CSGALNACT1: variants seen among roughly 807,000 people sequenced by gnomAD.
The protein encoded by CSGALNACT1 is chondroitin sulfate N-acetylgalactosaminyltransferase 1, also known as beta4GalNAcT-1.
A neutral mutation model predicts 51.0 loss-of-function variants in CSGALNACT1; 52 were observed. The observed-to-expected ratio is 1.02, with a 90% confidence interval of 0.82 to 1.29. CSGALNACT1 has a LOEUF of 1.29. CSGALNACT1 is among the 50% of genes most tolerant of loss of function. CSGALNACT1 has a pLI of 0.00. For synonymous variants in CSGALNACT1, 341 were observed against 254.4 expected (o/e 1.34, Z -3.24); for missense variants, 935 against 679.2 (o/e 1.38, Z -4.19).
At chr8:19,489,382 GA>G (rs909646626) in intron 4 of CSGALNACT1, among the ~76,000 whole-genome samples, 1 of 151,952 alleles carries the variant, frequency 6.6e-6, no homozygotes. Context: ...TCTCTCAAAG[GA>G]AAAAAATCAA....
At chr8:19,506,662 C>G (rs1343858289) in intron 3 of CSGALNACT1, among the ~76,000 whole-genome samples, 1 of 152,156 alleles carries the variant, frequency 6.6e-6, no homozygotes, top group Non-Finnish European at 1.5e-5. Context: ...GCCATTCTTG[C>G]TGGAGTGAGT....
intron 1 of CSGALNACT1, among the ~76,000 whole-genome samples, chr8:19,664,939 C>G (rs2059068110): frequency 6.6e-6 from 1 of 152,152 alleles, no homozygotes; most frequent in Non-Finnish European, 1.5e-5. Context: ...ACAATGTATA[C>G]TATTTGGGTG....
intron 6 of CSGALNACT1, among the ~76,000 whole-genome samples, chr8:19,436,150 C>G (rs2060339308): frequency 1.3e-5 from 2 of 152,158 alleles, no homozygotes; most frequent in South Asian, 4.1e-4. Context: ...ATACTGGTCA[C>G]TAAACAAGAT....
chr8:19,686,989 T>C (rs1451756630), upstream of CSGALNACT1, among the ~76,000 whole-genome samples: 1 of 152,170 alleles, frequency 6.6e-6, no homozygotes, highest in African/African-American at 2.4e-5. Context: ...ATACACAATA[T>C]AGATGCCCAT....
chr8:19,689,785 A>T (rs182499532), intron 1 of CSGALNACT1, among the ~76,000 whole-genome samples: 276 of 152,352 alleles, frequency 1.8e-3, no homozygotes, highest in African/African-American at 6.5e-3. Flanking sequence ...GATGCTAGTT[A>T]AATCCCCAAA....
intron 3 of CSGALNACT1, among the ~76,000 whole-genome samples, chr8:19,535,808 G>C (rs1014142083): frequency 6.6e-6 from 1 of 152,094 alleles, no homozygotes; most frequent in South Asian, 2.1e-4. Context: ...TCTCAGAAAA[G>C]CAAGAATAGA....
intron 6 of CSGALNACT1, among the ~76,000 whole-genome samples, chr8:19,422,976 C>G (rs1317027482): frequency 6.6e-6 from 1 of 152,202 alleles, no homozygotes; most frequent in East Asian, 1.9e-4. Flanking sequence ...TTTGGGACCT[C>G]TTCCTCCCCA....
intron 4 of CSGALNACT1, among the ~76,000 whole-genome samples, chr8:19,461,585 GGGGGCGT>G (rs2153824084): frequency 9.4e-5 from 13 of 138,862 alleles, no homozygotes; most frequent in African/African-American, 2.2e-4. Context: ...ATTCACCATG[GGGGGCGT>G]ATCCGCACAG....
intron 3 of CSGALNACT1, among the ~76,000 whole-genome samples, chr8:19,529,061 A>G (rs1387057401): frequency 6.6e-6 from 1 of 152,180 alleles, no homozygotes; most frequent in Non-Finnish European, 1.5e-5. Context: ...ATACCTTTAA[A>G]AAGAAGGATT....
intron 3 of CSGALNACT1, among the ~76,000 whole-genome samples, chr8:19,534,689 G>C (rs979137697): frequency 7.2e-5 from 11 of 152,042 alleles, no homozygotes; most frequent in Non-Finnish European, 1.5e-5. Context: ...TCAGAAACGA[G>C]AAAGCCCCAA....
chr8:19,506,406 T>G (rs2077338397), intron 3 of CSGALNACT1, among the ~76,000 whole-genome samples: 1 of 152,246 alleles, frequency 6.6e-6, no homozygotes, highest in Admixed American at 6.5e-5. Flanking sequence ...GAGTCATCTT[T>G]CTACTTCTAT....
At chr8:19,629,252 A>G (rs1457960259) in intron 1 of CSGALNACT1, among the ~76,000 whole-genome samples, 1 of 152,220 alleles carries the variant, frequency 6.6e-6, no homozygotes, top group Non-Finnish European at 1.5e-5. Context: ...CTGAGTTAGG[A>G]CAAAAGTAGG....
At chr8:19,484,974 C>T (rs529853467) in intron 4 of CSGALNACT1, among the ~76,000 whole-genome samples, 22 of 152,074 alleles carry the variant, frequency 1.4e-4, no homozygotes, top group African/African-American at 2.2e-4. Context: ...GAGAGCCCTC[C>T]GAAAAAACCA....
At chr8:19,554,917 C>CA (rs1251217721) in intron 3 of CSGALNACT1, among the ~76,000 whole-genome samples, 2 of 150,994 alleles carry the variant, frequency 1.3e-5, no homozygotes, top group African/African-American at 4.9e-5. Context: ...GACTCTGTCT[C>CA]AAAAAAAGAT....
intron 6 of CSGALNACT1, among the ~76,000 whole-genome samples, chr8:19,426,282 G>A (rs921548934): frequency 6.6e-6 from 1 of 152,146 alleles, no homozygotes; most frequent in African/African-American, 2.4e-5. Context: ...CCCCTCCCTT[G>A]TGTATATACA....
chr8:19,635,617 C>T (rs1168449829), intron 1 of CSGALNACT1, among the ~76,000 whole-genome samples: 1 of 152,120 alleles, frequency 6.6e-6, no homozygotes, highest in Non-Finnish European at 1.5e-5. Flanking sequence ...AAGATCAGCT[C>T]CACTTTTTCG....
chr8:19,530,272 G>A (rs2082497274), intron 3 of CSGALNACT1, among the ~76,000 whole-genome samples: 1 of 151,324 alleles, frequency 6.6e-6, no homozygotes, highest in African/African-American at 2.4e-5. Context: ...TCAATCCATG[G>A]TTGGTTGAAT....
intron 1 of CSGALNACT1, among the ~76,000 whole-genome samples, chr8:19,699,002 C>T (rs981166956): frequency 1.3e-5 from 2 of 152,122 alleles, no homozygotes; most frequent in South Asian, 2.1e-4. Context: ...AATGTAAAGG[C>T]TATGTAAATA....
At chr8:19,530,889 A>G (rs1283950214) in intron 3 of CSGALNACT1, among the ~76,000 whole-genome samples, 2 of 152,314 alleles carry the variant, frequency 1.3e-5, no homozygotes, top group Admixed American at 6.5e-5. Context: ...TTTCCCTGCA[A>G]TCTGGAGTGT....
Sources: allele counts gnomAD v4.1 joint callset (sites outside exome capture counted in the v4.1 genomes callset), GRCh38; gene constraint gnomAD v4.1.1; transcripts MANE v1.5; gene names NCBI Gene and HGNC (gene_info 2026-07-23, HGNC 2026-07-21).